Variants in UBASH3A observed in about 807,000 individuals in gnomAD.
UBASH3A encodes the protein ubiquitin associated and SH3 domain containing A, also known as ubiquitin-associated and SH3 domain-containing protein A.
UBASH3A carries 63 observed loss-of-function variants against 73.5 expected under a neutral mutation model. The ratio of observed to expected loss-of-function variants is 0.86; its 90% CI spans 0.70 to 1.06. UBASH3A has a LOEUF of 1.06. UBASH3A is among the 50% of genes least tolerant of loss of function. The pLI is 0.00. For synonymous variants in UBASH3A, 363 were observed against 351.1 expected, an observed-to-expected ratio of 1.03 and a Z score of -0.38; for missense variants, 860 against 859.0, an observed-to-expected ratio of 1.00 and a Z score of -0.02.
At chr21:42,432,837 A>G (rs890021839) in intron 9 of UBASH3A, among the ~76,000 whole-genome samples, 1 of 152,246 alleles carries the variant, frequency 6.6e-6, no homozygotes, top group South Asian at 2.1e-4. Flanking sequence ...ATGATCAAGC[A>G]TATTTCCAAG....
At chr21:42,439,824 CCA>C (rs2053702014) in intron 11 of UBASH3A, among the ~76,000 whole-genome samples, 1 of 144,986 alleles carries the variant, frequency 6.9e-6, no homozygotes, top group Non-Finnish European at 1.5e-5. Flanking sequence ...CCACCTACAC[CCA>C]CACACACCCA....
chr21:42,442,702 C>A (rs984725710), intron 12 of UBASH3A, 106 bp downstream of exon 12: 2 of 1,256,334 alleles, frequency 1.6e-6, no homozygotes, highest in African/African-American at 1.5e-5. Context: ...TCAAGAGGGA[C>A]CACTGCAGTG....
At chr21:42,438,224 C>A (rs984338221) in intron 11 of UBASH3A, among the ~76,000 whole-genome samples, 1 of 152,240 alleles carries the variant, frequency 6.6e-6, no homozygotes, top group Non-Finnish European at 1.5e-5. Context: ...GAGAGCATGT[C>A]GCCTCCATGG....
At position 42,426,693 on chromosome 21, in the gene UBASH3A, G is replaced by A. The variant is rs2212836; in HGVS notation, c.1047-4G>A. On this transcript the variant is annotated splice_polypyrimidine_tract_variant and splice_region_variant and intron_variant, in intron 7 of 14. Coordinates refer to ENST00000319294, the MANE Select transcript of UBASH3A (RefSeq NM_018961.4). ...GTTCAAGCCGTGCTTTCCTTCCCCT[G>A]CAGGATGTACACCTTCAGTCTAGCC... 56,659 of 1,613,348 alleles carry A rather than the reference G, an allele frequency of 0.035. 1,140 individuals carry two copies. The highest frequency in any genetic ancestry group is 0.04 in the Non-Finnish European group (47,471 of 1,179,556).
chr21:42,426,468 A>G (rs1025799246), intron 7 of UBASH3A, among the ~76,000 whole-genome samples: 8 of 152,242 alleles, frequency 5.3e-5, no homozygotes, highest in Non-Finnish European at 1.5e-5. Context: ...CCACGTTGAC[A>G]TGTAAAATTA....
chr21:42,408,663 C>T (rs1448317242), intron 2 of UBASH3A, among the ~76,000 whole-genome samples: 2 of 152,044 alleles, frequency 1.3e-5, no homozygotes, highest in East Asian at 1.9e-4. Flanking sequence ...AATGCCGTCT[C>T]GGAGCTATTT....
chr21:42,429,193 T>G (rs2053488958), intron 8 of UBASH3A, among the ~76,000 whole-genome samples: 1 of 152,166 alleles, frequency 6.6e-6, no homozygotes, highest in Non-Finnish European at 1.5e-5. Flanking sequence ...GAATAAATTC[T>G]CCCCTAGAAT....
chr21:42,411,671 G>A (rs181088632), intron 3 of UBASH3A, among the ~76,000 whole-genome samples: 2 of 152,294 alleles, frequency 1.3e-5, no homozygotes, highest in African/African-American at 2.4e-5. Flanking sequence ...TGGCCTGGCC[G>A]TGGTTAGTGG....
At chr21:42,443,515 C>T in intron 13 of UBASH3A, 97 bp downstream of exon 13, 1 of 1,010,834 alleles carries the variant, frequency 9.9e-7, no homozygotes, top group Non-Finnish European at 1.4e-6. Flanking sequence ...TATGAATGCC[C>T]CTACTTCTCC....
At chr21:42,437,949 C>A (rs965102005) in intron 11 of UBASH3A, among the ~76,000 whole-genome samples, 4 of 152,222 alleles carry the variant, frequency 2.6e-5, no homozygotes, top group South Asian at 2.1e-4. Context: ...TTGCATGACC[C>A]TTCCCAGGGC....
intron 11 of UBASH3A, among the ~76,000 whole-genome samples, chr21:42,439,985 CCACACACACCCACACACCA>C (rs1268307226): frequency 3.5e-5 from 5 of 143,212 alleles, no homozygotes; most frequent in African/African-American, 1.3e-4. Context: ...ACACCACACC[CCACACACACCCACACACCA>C]CACACACAAC....
At chr21:42,439,690 A>G (rs1319270707) in intron 11 of UBASH3A, among the ~76,000 whole-genome samples, 1 of 136,160 alleles carries the variant, frequency 7.3e-6, no homozygotes, top group East Asian at 2.2e-4. Context: ...CCACACACAC[A>G]CTACACACAC....
chr21:42,404,177 C>A, intron 1 of UBASH3A, 119 bp downstream of exon 1: 1 of 480,432 alleles, frequency 2.1e-6, no homozygotes, highest in Non-Finnish European at 3.5e-6. Flanking sequence ...AGCAGTGCAC[C>A]TTGCAGGGTA....
At position 42,447,489 on chromosome 21, in the gene UBASH3A, G is replaced by A. The variant is rs1272482053; in HGVS notation, c.*295G>A. On this transcript the variant is annotated 3_prime_UTR_variant, in exon 15 of 15. Coordinates refer to ENST00000319294, the MANE Select transcript of UBASH3A (RefSeq NM_018961.4). ...TCTGCAGCTGGGGACACAACTGCCC[G>A]GGACTCTAACTTCCAGGAATTAAAG... 4 of 284,356 alleles carry A rather than the reference G, an allele frequency of 1.4e-5. No homozygotes were observed. Among genetic ancestry groups the A allele is most frequent in the East Asian group, 1.4e-4 (2 of 14,536 alleles). 17.6% of individuals were successfully genotyped at this position (284,356 alleles called of 1,614,324 possible). A position where few individuals can be genotyped will look rare whatever the true frequency, so the allele number is the denominator to read the frequency against.
chr21:42,418,582 G>T lies in UBASH3A; in HGVS notation c.1019G>T (p.Ser340Ile). Residue 340 changes from serine to isoleucine, a missense_variant, in exon 7 of 15, where the codon AGT becomes ATT. By Grantham distance (142) the Ser-to-Ile change is moderately radical. Coordinates refer to ENST00000319294, the MANE Select transcript of UBASH3A (RefSeq NM_018961.4). ...FLPENYTDRASESDTWVKHRM... is the reference protein window; with the variant it reads ...FLPENYTDRAIESDTWVKHRM... Reference sequence around the variant, plus strand: ...CCGGAAAACTACACGGATCGAGCCAGTGAGTCTGACACGTGGGTGAAGCAC... The same window carrying T: ...CCGGAAAACTACACGGATCGAGCCATTGAGTCTGACACGTGGGTGAAGCAC... 1 of 1,614,184 alleles carries T rather than the reference G, an allele frequency of 6.2e-7. No homozygotes were observed. The highest frequency in any genetic ancestry group is 1.7e-5 in the Admixed American group (1 of 60,034).
Position 42,432,176 on chromosome 21 carries a change from G to A in UBASH3A, c.1244G>A (p.Trp415Ter). 1 of 1,612,784 alleles carries A rather than the reference G, an allele frequency of 6.2e-7. No homozygotes were observed. The highest frequency in any genetic ancestry group is 1.1e-5 in the South Asian group (1 of 90,942). ...ERVDQIFGKA[W>*]LQQCSTPDGK... is the part of the protein sequence containing the mutation. Reference sequence around the variant, plus strand: ...GTGGATCAGATCTTCGGGAAGGCATGGCTGCAGCAATGCTCCACTCCTGAT... The same window carrying A: ...GTGGATCAGATCTTCGGGAAGGCATAGCTGCAGCAATGCTCCACTCCTGAT... Residue 415 changes from tryptophan to a stop codon, truncating the protein, a stop_gained, in exon 9 of 15, where the codon TGG becomes TAG. Coordinates refer to ENST00000319294, the MANE Select transcript of UBASH3A (RefSeq NM_018961.4). LOFTEE classifies it high-confidence loss of function.
At chr21:42,418,033 G>A (rs2053256568) in intron 6 of UBASH3A, among the ~76,000 whole-genome samples, 2 of 151,692 alleles carry the variant, frequency 1.3e-5, no homozygotes, top group Admixed American at 6.6e-5. Flanking sequence ...ACAGGCACCC[G>A]CCACCATGTC....
chr21:42,440,677 G>A (rs796745988), intron 11 of UBASH3A, among the ~76,000 whole-genome samples: 18 of 152,322 alleles, frequency 1.2e-4, no homozygotes, highest in African/African-American at 3.6e-4. Flanking sequence ...GGTCGCCTGT[G>A]CCTGCCAGGC....
At chr21:42,446,774 C>G (rs1304348285) in intron 14 of UBASH3A, among the ~76,000 whole-genome samples, 2 of 152,178 alleles carry the variant, frequency 1.3e-5, no homozygotes, top group Non-Finnish European at 2.9e-5. Flanking sequence ...GTAGGATGTA[C>G]CACCTTGTAG....
Sources: allele counts gnomAD v4.1 joint callset (sites outside exome capture counted in the v4.1 genomes callset), GRCh38; gene constraint gnomAD v4.1.1; transcripts MANE v1.5; gene names NCBI Gene and HGNC (gene_info 2026-07-23, HGNC 2026-07-21).